CDH13: variants seen among roughly 807,000 people sequenced by gnomAD.
The protein encoded by CDH13 is cadherin-13.
Under a neutral mutation model 63.8 loss-of-function variants are expected in CDH13, and 24 were observed. That is an observed-to-expected ratio of 0.38 (90% CI 0.27 to 0.53). CDH13 has a LOEUF of 0.53. Among genes scored for constraint, CDH13 ranks in the 20% least tolerant of loss-of-function variants. The pLI is 0.85. For synonymous variants in CDH13, 503 were observed against 355.3 expected (o/e 1.42, Z -4.67); for missense variants, 1,049 against 903.1 (o/e 1.16, Z -2.07).
intron 3 of CDH13, among the ~76,000 whole-genome samples, chr16:83,091,360 T>A (rs2033899133): frequency 6.6e-6 from 1 of 152,212 alleles, no homozygotes; most frequent in South Asian, 2.1e-4. Context: ...GTAGGAGGCA[T>A]ATTTTTCCCA....
At chr16:83,735,031 T>C (rs1473484635) in intron 10 of CDH13, among the ~76,000 whole-genome samples, 7 of 150,504 alleles carry the variant, frequency 4.7e-5, no homozygotes, top group Admixed American at 1.3e-4. Context: ...GTCAGTTCTG[T>C]GGGACAATTT....
chr16:83,548,714 C>T (rs1386620564), intron 7 of CDH13, among the ~76,000 whole-genome samples: 18 of 152,082 alleles, frequency 1.2e-4, no homozygotes, highest in Non-Finnish European at 2.4e-4. Context: ...TCACCATCCC[C>T]CACAAGGCAG....
chr16:82,687,408 C>T (rs1274400058), intron 1 of CDH13, among the ~76,000 whole-genome samples: 1 of 152,120 alleles, frequency 6.6e-6, no homozygotes, highest in Non-Finnish European at 1.5e-5. Context: ...AAAGACATAC[C>T]TGAGGCAGGG....
At position 82,693,325 on chromosome 16, in the gene CDH13, T is replaced by C. The variant is rs7342784; in HGVS notation, c.45+66188T>C. Among the ~76,000 whole-genome samples the C allele has an allele frequency of 7.9e-3, 1,202 of 152,298 alleles. 10 individuals carry two copies. The highest frequency in any genetic ancestry group is 0.027 in the African/African-American group (1,137 of 41,564). On this transcript the variant is annotated intron_variant, in intron 1 of 13. Coordinates refer to ENST00000567109, the MANE Select transcript of CDH13 (RefSeq NM_001257.5). The stretch of plus-strand genomic sequence containing the variant: ...AGTTTGTGGCAAGATAACTAACACA[T>C]ACATGAAAGTCTAGGCTTGGGTATC...
chr16:82,841,125 A>G (rs9319575), intron 1 of CDH13, among the ~76,000 whole-genome samples: 1 of 152,094 alleles, frequency 6.6e-6, no homozygotes, highest in Non-Finnish European at 1.5e-5. Flanking sequence ...CAGGAGGTCA[A>G]CCTTACCATC....
intron 6 of CDH13, among the ~76,000 whole-genome samples, chr16:83,348,971 C>T (rs1201875339): frequency 1.3e-5 from 2 of 152,312 alleles, no homozygotes; most frequent in South Asian, 4.1e-4. Context: ...CAGCAAACCA[C>T]GCGTCATTTT....
chr16:83,517,662 C>T (rs1218437912), intron 7 of CDH13, among the ~76,000 whole-genome samples: 1 of 152,170 alleles, frequency 6.6e-6, no homozygotes, highest in East Asian at 1.9e-4. Flanking sequence ...GTTGCAGTGA[C>T]AGTCTGGAAA....
chr16:82,866,036 C>T (rs2151180096), intron 2 of CDH13, among the ~76,000 whole-genome samples: 1 of 152,302 alleles, frequency 6.6e-6, no homozygotes, highest in South Asian at 2.1e-4. Flanking sequence ...ATCACTAGGG[C>T]AGGGGCAAAA....
chr16:83,236,122 T>A (rs1024829313), intron 5 of CDH13, among the ~76,000 whole-genome samples: 1 of 152,144 alleles, frequency 6.6e-6, no homozygotes, highest in Admixed American at 6.6e-5. Context: ...ACGCTCTACT[T>A]CTCCCTAGTT....
At chr16:82,643,112 C>T (rs957228064) in intron 1 of CDH13, among the ~76,000 whole-genome samples, 3 of 152,312 alleles carry the variant, frequency 2.0e-5, no homozygotes, top group African/African-American at 7.2e-5. Context: ...GATGTAAATG[C>T]TCTGGAGCTA....
chr16:83,574,451 C>T (rs542525941), intron 7 of CDH13, among the ~76,000 whole-genome samples: 1 of 152,252 alleles, frequency 6.6e-6, no homozygotes, highest in South Asian at 2.1e-4. Flanking sequence ...TGAGGAAAAG[C>T]AGCTGTGACT....
chr16:83,616,898 C>T (rs149501018), intron 8 of CDH13, among the ~76,000 whole-genome samples: 9 of 152,326 alleles, frequency 5.9e-5, no homozygotes, highest in Middle Eastern at 3.4e-3. Flanking sequence ...ACGTGCCAAG[C>T]TTTGGCATGT....
Position 82,923,322 on chromosome 16 carries a change from G to A in CDH13, c.157+64849G>A, listed in dbSNP as rs141339014. On this transcript the variant is annotated intron_variant, in intron 2 of 13. Coordinates refer to ENST00000567109, the MANE Select transcript of CDH13 (RefSeq NM_001257.5). Reference sequence around the variant, plus strand: ...GAGTGAAGTGAGTTTAAGGACTGGTGTGCATGGTATGCTCAGAACTACATT... The same window carrying A: ...GAGTGAAGTGAGTTTAAGGACTGGTATGCATGGTATGCTCAGAACTACATT... Among the ~76,000 whole-genome samples, 82 of 152,332 alleles carry A rather than the reference G, an allele frequency of 5.4e-4. 1 individual carries two copies. The highest frequency in any genetic ancestry group is 1.8e-3 in the African/African-American group (75 of 41,584).
At chr16:82,637,880 G>A (rs1208717429) in intron 1 of CDH13, 6 of 152,222 alleles carry the variant, frequency 3.9e-5, no homozygotes, top group African/African-American at 1.4e-4. Context: ...CACTCAGCGA[G>A]TATTTATTGA....
chr16:82,739,191 T>G (rs553928994), intron 1 of CDH13, among the ~76,000 whole-genome samples: 4 of 151,580 alleles, frequency 2.6e-5, no homozygotes, highest in African/African-American at 9.7e-5. Flanking sequence ...TAACCAGATG[T>G]GATTTTACTA....
rs149948447 is a variant in CDH13 at position 83,726,607 on chromosome 16, G to A, written c.1539-21501G>A. Among the ~76,000 whole-genome samples the A allele has an allele frequency of 9.8e-3, 1,498 of 152,262 alleles. 69 individuals are homozygous for A. The highest frequency in any genetic ancestry group is 0.073 in the Admixed American group (1,116 of 15,286). On this transcript the variant is annotated intron_variant, in intron 10 of 13. Coordinates refer to ENST00000567109, the MANE Select transcript of CDH13 (RefSeq NM_001257.5). Reference sequence around the variant, plus strand: ...TCCCGGCCCTTTGGGAGGCCGAGGCGGGCAGATCACGAGGTGAGGAGATCA... The same window carrying A: ...TCCCGGCCCTTTGGGAGGCCGAGGCAGGCAGATCACGAGGTGAGGAGATCA...
intron 1 of CDH13, among the ~76,000 whole-genome samples, chr16:82,673,911 G>A (rs1418261651): frequency 6.6e-6 from 1 of 152,226 alleles, no homozygotes; most frequent in East Asian, 1.9e-4. Context: ...GTCCGGCAAT[G>A]TGTGCTTTCT....
intron 6 of CDH13, among the ~76,000 whole-genome samples, chr16:83,413,237 A>G (rs1347465454): frequency 6.6e-6 from 1 of 152,206 alleles, no homozygotes; most frequent in Non-Finnish European, 1.5e-5. Flanking sequence ...TAAATTTTGT[A>G]ATGCACATTC....
At chr16:83,160,015 G>T (rs1056400680) in intron 4 of CDH13, among the ~76,000 whole-genome samples, 2 of 152,028 alleles carry the variant, frequency 1.3e-5, no homozygotes, top group Non-Finnish European at 2.9e-5. Flanking sequence ...GGCAGAGGTT[G>T]CAGTGAGCCG....
Sources: gnomAD v4.1 joint callset for allele counts (sites outside exome capture counted in the v4.1 genomes callset) on GRCh38, gnomAD v4.1.1 for gene constraint, MANE v1.5 for transcripts, NCBI Gene and HGNC (gene_info 2026-07-23, HGNC 2026-07-21) for gene names.